The following URB1 variants were observed in gnomAD, a reference collection of about 807,000 sequenced individuals.
URB1 encodes the protein URB1 ribosome biogenesis factor, also known as nucleolar pre-ribosomal-associated protein 1.
Under a neutral mutation model 242.3 loss-of-function variants are expected in URB1, and 197 were observed. The ratio of observed to expected loss-of-function variants is 0.81; its 90% CI spans 0.72 to 0.91. URB1 has a LOEUF of 0.91. Among genes scored for constraint, URB1 ranks in the 40% least tolerant of loss-of-function variants. The pLI is 0.00. For missense variants in URB1, 2,721 were observed against 2,860.5 expected (o/e 0.95, Z 1.11); for synonymous variants, 1,153 against 1,201.8 (o/e 0.96, Z 0.84).
At chr21:32,331,175 C>T (rs774293811) in intron 30 of URB1, among the ~76,000 whole-genome samples, 13 of 152,108 alleles carry the variant, frequency 8.5e-5, no homozygotes, top group Non-Finnish European at 1.6e-4. Flanking sequence ...AAATGTGTGC[C>T]GCCACACCCC....
rs970706553 is a variant in URB1, at chr21:32,375,409, G to C, written c.739C>G (p.Leu247Val). 1.3e-6 allele frequency: 2 copies of C among 1,531,756 alleles called. No individual in the cohort carries two copies. Among genetic ancestry groups the C allele is most frequent in the African/African-American group, 2.8e-5 (2 of 71,992 alleles). The allele number at this position is 1,531,756 out of a possible 1,614,324, so 94.9% of individuals were successfully genotyped here. A position where few individuals can be genotyped will look rare whatever the true frequency, so the allele number is the denominator to read the frequency against. The change falls in exon 6 of 39, where the codon CTG (leucine) becomes GTG (valine). Residue 247 changes from leucine to valine, a missense_variant. Transcript: ENST00000382751. ...CACCAAGCACATACCTTTGTTTTCA[G>C]TGTGGATAATAAAATATTGATGGTA... ...ISTINILLST[L>V]KTKVVHNKNI...
At chr21:32,321,073 G>T (rs1283429595) in intron 34 of URB1, among the ~76,000 whole-genome samples, 2 of 152,218 alleles carry the variant, frequency 1.3e-5, no homozygotes, top group African/African-American at 4.8e-5. Flanking sequence ...CCCCTGACTT[G>T]TTCATGGGGT....
In URB1 at chr21:32,316,778, C is replaced by T; in HGVS notation, c.6322G>A (p.Val2108Met). ...SLAVSWVLRS[V>M]AEHPLSRAEA... is the part of the protein sequence containing the mutation. The stretch of plus-strand genomic sequence containing the variant: ...GCCCTGCTGAGCGGGTGCTCGGCCA[C>T]CGACCGCAGCACCCAACTGACTGCC... Residue 2108 changes from valine to methionine, a missense_variant, in exon 38 of 39, where the codon GTG becomes ATG. Val to Met is a conservative substitution (Grantham distance 21). Coordinates refer to ENST00000382751, the MANE Select transcript of URB1 (RefSeq NM_014825.3). The T allele has an allele frequency of 6.5e-7, 1 of 1,549,784 alleles. No individual in the cohort carries two copies. The highest frequency in any genetic ancestry group is 1.2e-5 in the South Asian group (1 of 83,954).
intron 30 of URB1, among the ~76,000 whole-genome samples, chr21:32,328,241 G>A (rs1010864289): frequency 2.6e-5 from 4 of 152,192 alleles, no homozygotes; most frequent in Non-Finnish European, 5.9e-5. Flanking sequence ...GGGTGCAAGC[G>A]ATTCTTGTGC....
Position 32,335,397 on chromosome 21 carries a change from C to T in URB1, c.4686-1063G>A, listed in dbSNP as rs58793409. On this transcript the variant is annotated intron_variant, in intron 28 of 38. Coordinates refer to ENST00000382751, the MANE Select transcript of URB1 (RefSeq NM_014825.3). ...GTAAGAGCTGGTTTATATCACGGGG[C>T]GTGAGTCAGCTGCCACTTTAAAAAT... is the stretch of plus-strand genomic sequence containing the variant. 7.4e-3 allele frequency: 1,128 copies of T among 152,408 alleles called. 8 individuals are homozygous for T. The highest frequency in any genetic ancestry group is 0.024 in the African/African-American group (1,002 of 41,584). The allele number at this position is 152,408 out of a possible 1,614,324, so 9.4% of individuals were successfully genotyped here.
intron 8 of URB1, among the ~76,000 whole-genome samples, chr21:32,370,151 C>T (rs1438600762): frequency 1.3e-5 from 2 of 151,980 alleles, no homozygotes; most frequent in Non-Finnish European, 2.9e-5. Context: ...CCTGTGAAGT[C>T]AAAACATCCA....
chr21:32,376,594 C>A (rs960859455), intron 5 of URB1, among the ~76,000 whole-genome samples: 1 of 151,952 alleles, frequency 6.6e-6, no homozygotes, highest in Non-Finnish European at 1.5e-5. Flanking sequence ...ATAGTTTACA[C>A]CCAATCATAT....
chr21:32,313,532 C>T lies in URB1; in HGVS notation c.*1386G>A, dbSNP rs146615097. 3 of 152,330 alleles carry T rather than the reference C, an allele frequency of 2.0e-5. No homozygotes were observed. The highest frequency in any genetic ancestry group is 1.9e-4 in the East Asian group (1 of 5,178). The allele number at this position is 152,330 out of a possible 1,614,324, so 9.4% of individuals were successfully genotyped here. ...AGGTAACTGATCCTTGCTTTGTAGA[C>T]AGTGCAAGACAATTATTTGTGGTGA... is the stretch of plus-strand genomic sequence containing the variant. On this transcript the variant is annotated 3_prime_UTR_variant, in exon 39 of 39. Coordinates refer to ENST00000382751, the MANE Select transcript of URB1 (RefSeq NM_014825.3).
chr21:32,347,578 A>G lies in URB1; in HGVS notation c.3246T>C (p.Ser1082=). 6.4e-7 allele frequency: 1 copy of G among 1,551,320 alleles called. No individual in the cohort carries two copies. The highest frequency in any genetic ancestry group is 8.7e-7 in the Non-Finnish European group (1 of 1,146,854). ...LARYSEAITQ[S]VLKELQNRRA... is the part of the protein sequence containing the mutation. ...TCCTGTTCTGAAGTTCCTTCAGCAC[A>G]CTCTGGGTGATGGCCTCTGAGTACC... is the stretch of plus-strand genomic sequence containing the variant. The change falls in exon 22 of 39, where the codon AGT becomes AGC. Residue 1082 remains serine (S), a synonymous_variant. Transcript: ENST00000382751.
Position 32,392,880 on chromosome 21 carries a change from CG to C in URB1, c.30del (p.Gly11AlafsTer29). 10 of 1,530,628 alleles carry C rather than the reference CG, an allele frequency of 6.5e-6. No individual in the cohort carries two copies. The highest frequency in any genetic ancestry group is 8.7e-6 in the Non-Finnish European group (10 of 1,144,066). 94.8% of individuals were successfully genotyped at this position (1,530,628 alleles called of 1,614,324 possible). On this transcript the variant is annotated frameshift_variant, in exon 1 of 39. Transcript: ENST00000382751. LOFTEE classifies it high-confidence loss of function. ...GCGGAGGAAGCCGCGCCGTCCTGGC[CG>C]CCCGAGGCCTTCCTCTTGGGGACCC... is the stretch of plus-strand genomic sequence containing the variant. MGVPKRKAS[G>X]GQDGAASSAG... is the part of the protein sequence containing the mutation.
At position 32,354,934 on chromosome 21, in the gene URB1, C is replaced by G. The variant is rs767714741; in HGVS notation, c.2170G>C (p.Glu724Gln). 7 of 1,552,216 alleles carry G rather than the reference C, an allele frequency of 4.5e-6. No homozygotes were observed. The African/African-American group carries it at 8.2e-5, about 18-fold the overall frequency. ...ATAGTGGCCTGCAGCATGCTTGCTT[C>G]TTGGACAAAGTCAGATGCTTTGTCT... ...YTDKASDFVQEASMLQATMTK... is the reference protein window; with the variant it reads ...YTDKASDFVQQASMLQATMTK... The change falls in exon 17 of 39, where the codon GAA (glutamate) becomes CAA (glutamine). Residue 724 changes from glutamate to glutamine, a missense_variant. Physicochemically the swap from Glu to Gln is conservative, Grantham distance 29 (BLOSUM62 2). Coordinates refer to ENST00000382751, the MANE Select transcript of URB1 (RefSeq NM_014825.3).
At chr21:32,348,458 T>C (rs1424884607) in intron 21 of URB1, among the ~76,000 whole-genome samples, 1 of 152,222 alleles carries the variant, frequency 6.6e-6, no homozygotes, top group Non-Finnish European at 1.5e-5. Context: ...AGTTCTGACC[T>C]GGCCAACTGA....
chr21:32,356,745 G>A (rs2033225447), intron 15 of URB1, among the ~76,000 whole-genome samples: 2 of 152,230 alleles, frequency 1.3e-5, no homozygotes, highest in South Asian at 2.1e-4. Flanking sequence ...CAGAGTCTAA[G>A]AGGCCTCACG....
chr21:32,367,391 G>C (rs1275579299), intron 9 of URB1, among the ~76,000 whole-genome samples: 1 of 152,130 alleles, frequency 6.6e-6, no homozygotes, highest in Admixed American at 6.5e-5. Context: ...CAAAACAAGG[G>C]GTGGAGTACA....
chr21:32,341,131 G>A lies in URB1; in HGVS notation c.4316+335C>T, dbSNP rs114208024. Among the ~76,000 whole-genome samples the A allele has an allele frequency of 4.4e-3, 670 of 152,326 alleles. 8 individuals carry two copies. Among genetic ancestry groups the A allele is most frequent in the African/African-American group, 0.015 (631 of 41,564 alleles). ...ACTGACGAGACAAAGCAGAACCTCA[G>A]AAGAGTGTTGACCTTTGGTTACAGA... is the stretch of plus-strand genomic sequence containing the variant. On this transcript the variant is annotated intron_variant, in intron 25 of 38. Transcript: ENST00000382751.
At chr21:32,336,948 G>C in intron 28 of URB1, 146 bp downstream of exon 28, 1 of 792,688 alleles carries the variant, frequency 1.3e-6, no homozygotes, top group Non-Finnish European at 2.1e-6. Flanking sequence ...CTATGCAGAA[G>C]CCAGTGTGAG....
rs1303798304 is a variant in URB1, at chr21:32,341,544, G to C, written c.4258-20C>G. The C allele has an allele frequency of 1.3e-6, 2 of 1,548,886 alleles. No individual in the cohort carries two copies. The highest frequency in any genetic ancestry group is 4.9e-5 in the East Asian group (2 of 40,914). ...TGCATGCTATGAATAAAATAAGTAA[G>C]AAAAACACATGAAACATCTCAGTCT... On this transcript the variant is annotated intron_variant, in intron 24 of 38. Transcript: ENST00000382751.
intron 19 of URB1, 135 bp from the exon 20 acceptor site, chr21:32,351,057 G>C: frequency 1.1e-6 from 1 of 905,842 alleles, no homozygotes; most frequent in Non-Finnish European, 1.7e-6. Context: ...AACGAATACG[G>C]GACCGTGTGG....
At chr21:32,362,978 C>T (rs2033305594) in intron 11 of URB1, among the ~76,000 whole-genome samples, 178 bp downstream of exon 11, 1 of 152,218 alleles carries the variant, frequency 6.6e-6, no homozygotes, top group Non-Finnish European at 1.5e-5. Context: ...TGCCTACAAT[C>T]ACAAGTGGCA....
Sources: gnomAD v4.1 joint callset for allele counts (sites outside exome capture counted in the v4.1 genomes callset) on GRCh38, gnomAD v4.1.1 for gene constraint, MANE v1.5 for transcripts, NCBI Gene and HGNC (gene_info 2026-07-23, HGNC 2026-07-21) for gene names.